The following LRRC58 variants were observed in gnomAD, a reference collection of about 807,000 sequenced individuals.
LRRC58 encodes leucine-rich repeat-containing protein 58.
In LRRC58, 18 loss-of-function variants were observed where a neutral mutation model predicts 30.6. That is an observed-to-expected ratio of 0.59 (90% CI 0.41 to 0.87). The LOEUF (loss-of-function observed/expected upper bound fraction) is 0.87, where lower values mean the gene tolerates loss of function less well. Among genes scored for constraint, LRRC58 ranks in the 40% least tolerant of loss-of-function variants. LRRC58 has a pLI of 0.00. For missense variants in LRRC58, 420 were observed against 468.4 expected (o/e 0.90, Z 0.95); for synonymous variants, 221 against 206.0 (o/e 1.07, Z -0.62).
rs1430151293 is a variant in LRRC58 at position 120,327,255 on chromosome 3, T to TTTC, written c.*3944_*3945insGAA. 7.1e-6 allele frequency: 1 copy of TTTC among 140,184 alleles called. No homozygotes were observed. Among genetic ancestry groups the TTTC allele is most frequent in the African/African-American group, 2.7e-5 (1 of 36,536 alleles). 8.7% of individuals were successfully genotyped at this position (140,184 alleles called of 1,614,324 possible). A position where few individuals can be genotyped will look rare whatever the true frequency, so the allele number is the denominator to read the frequency against. ...GTGGCTTCTAAAGATTTCTTTTTTTTTTTTTTTTTTTTTTGAGACGGAGTC... is the reference window on the plus strand; with the variant it reads ...GTGGCTTCTAAAGATTTCTTTTTTTTTTCTTTTTTTTTTTTTTGAGACGGAGTC... On this transcript the variant is annotated 3_prime_UTR_variant, in exon 4 of 4. Transcript: ENST00000295628.
rs1337894911 is a variant in LRRC58, at chr3:120,349,001, G to T, written c.243C>A (p.Thr81=). Residue 81 remains threonine, a synonymous_variant, in exon 1 of 4, where the codon ACC becomes ACA. Transcript: ENST00000295628. The part of the protein sequence containing the change: ...QLLDVSGNAL[T]ALGPELLALR... ...GAGCGAGCAGCTCCGGCCCGAGCGCGGTCAACGCGTTGCCGCTCACGTCCA... is the reference window on the plus strand; with the variant it reads ...GAGCGAGCAGCTCCGGCCCGAGCGCTGTCAACGCGTTGCCGCTCACGTCCA... 1 of 1,521,926 alleles carries T rather than the reference G, an allele frequency of 6.6e-7. No individual in the cohort carries two copies. The highest frequency in any genetic ancestry group is 1.2e-5 in the South Asian group (1 of 81,616). The allele number at this position is 1,521,926 out of a possible 1,614,324, so 94.3% of individuals were successfully genotyped here.
chr3:120,341,607 G>A (rs1935905210), intron 1 of LRRC58, among the ~76,000 whole-genome samples: 1 of 152,166 alleles, frequency 6.6e-6, no homozygotes, highest in African/African-American at 2.4e-5. Flanking sequence ...ATTAGATAAG[G>A]TCAAGAGGGT....
rs1405765370 is a variant in LRRC58, at chr3:120,324,611, A to C, written c.*6589T>G. The C allele has an allele frequency of 2.0e-5, 3 of 152,218 alleles. No homozygotes were observed. Among genetic ancestry groups the C allele is most frequent in the Non-Finnish European group, 4.4e-5 (3 of 68,038 alleles). 9.4% of individuals were successfully genotyped at this position (152,218 alleles called of 1,614,324 possible). ...TTAATATAGAACTGGATTCCAACAA[A>C]ACAGTTTTATTAAAATAAGGCACAA... On this transcript the variant is annotated 3_prime_UTR_variant, in exon 4 of 4. Transcript: ENST00000295628.
intron 1 of LRRC58, among the ~76,000 whole-genome samples, 196 bp from the exon 2 acceptor site, chr3:120,336,149 A>C (rs1397739586): frequency 6.6e-6 from 1 of 152,248 alleles, no homozygotes; most frequent in Non-Finnish European, 1.5e-5. Context: ...GACGAGACAG[A>C]CCAATGTTAG....
intron 2 of LRRC58, 32 bp from the exon 3 acceptor site, chr3:120,335,171 A>G: frequency 6.3e-7 from 1 of 1,581,074 alleles, no homozygotes; most frequent in Non-Finnish European, 8.6e-7. Context: ...AATCAATGGC[A>G]GTAAACAACG....
intron 3 of LRRC58, among the ~76,000 whole-genome samples, chr3:120,332,483 G>C (rs927145215): frequency 6.6e-6 from 1 of 151,894 alleles, no homozygotes; most frequent in African/African-American, 2.4e-5. Flanking sequence ...TCAATAAGTT[G>C]GTCAGTCATA....
rs1437523847 is a variant in LRRC58 at position 120,331,255 on chromosome 3, G to A, written c.1061C>T (p.Ser354Leu). Reference protein sequence around the residue: ...HSSTSQSESDSEDEASVAARR... With the variant: ...HSSTSQSESDLEDEASVAARR... Reference sequence around the variant, plus strand: ...TGCAGCAACACTAGCTTCATCTTCTGAGTCAGATTCACTCTGGGAAGTGGA... The same window carrying A: ...TGCAGCAACACTAGCTTCATCTTCTAAGTCAGATTCACTCTGGGAAGTGGA... The change falls in exon 4 of 4, where the codon TCA becomes TTA. Residue 354 changes from serine (S) to leucine (L), a missense_variant. This residue lies in a region of LRRC58 where 154 missense variants were observed against 216.8 expected (regional missense o/e 0.71). Transcript: ENST00000295628. 6.2e-7 allele frequency: 1 copy of A among 1,613,962 alleles called. No individual in the cohort carries two copies. Among genetic ancestry groups the A allele is most frequent in the Non-Finnish European group, 8.5e-7 (1 of 1,179,874 alleles).
chr3:120,348,884 G>C lies in LRRC58; in HGVS notation c.360C>G (p.Arg120=). The C allele has an allele frequency of 6.3e-7, 1 of 1,587,082 alleles. No individual in the cohort carries two copies. The highest frequency in any genetic ancestry group is 8.6e-7 in the Non-Finnish European group (1 of 1,167,968). Residue 120 remains arginine (R), a synonymous_variant, in exon 1 of 4, where the codon CGC becomes CGG. Transcript: ENST00000295628. The part of the protein sequence containing the change: ...PKGLAQSPLC[R]SLQVLNLSGN... ...CGCTGAGGTTGAGCACCTGGAGGCT[G>C]CGGCAGAGCGGCGACTGGGCCAGGC... is the stretch of plus-strand genomic sequence containing the variant.
Position 120,349,063 on chromosome 3 carries a change from G to T in LRRC58, c.181C>A (p.Arg61=). Residue 61 remains arginine, a synonymous_variant, in exon 1 of 4, where the codon CGG becomes AGG. Transcript: ENST00000295628. The part of the protein sequence containing the change: ...LPHNRLVSLP[R]ALGSGFPHLQ... ...TGCGGGAAGCCGCTGCCCAGCGCCCGTGGCAGCGACACCAGACGGTTGTGA... is the reference window on the plus strand; with the variant it reads ...TGCGGGAAGCCGCTGCCCAGCGCCCTTGGCAGCGACACCAGACGGTTGTGA... The T allele has an allele frequency of 6.6e-7, 1 of 1,518,298 alleles. No individual in the cohort carries two copies. Among genetic ancestry groups the T allele is most frequent in the Non-Finnish European group, 8.8e-7 (1 of 1,141,512 alleles). The allele number at this position is 1,518,298 out of a possible 1,614,324, so 94.1% of individuals were successfully genotyped here.
intron 1 of LRRC58, among the ~76,000 whole-genome samples, chr3:120,347,124 T>A (rs941885815): frequency 6.6e-5 from 10 of 152,198 alleles, no homozygotes; most frequent in Admixed American, 1.3e-4. Context: ...TGTAATTAAA[T>A]AATGAGGTTC....
rs138649156 is a variant in LRRC58 at position 120,339,429 on chromosome 3, TTTAAGG to T, written c.501-3482_501-3477del. Among the ~76,000 whole-genome samples the T allele has an allele frequency of 2.2e-3, 332 of 152,342 alleles. 1 individual carries two copies. The highest frequency in any genetic ancestry group is 7.7e-3 in the African/African-American group (322 of 41,586). On this transcript the variant is annotated intron_variant, in intron 1 of 3. Coordinates refer to ENST00000295628, the MANE Select transcript of LRRC58 (RefSeq NM_001099678.2). ...TATCATTTTTTTTGGAGGCTTGTTA[TTTAAGG>T]TTCATTTTTCTTGGAGTACATCCTT...
rs1361465274 is a variant in LRRC58, at chr3:120,331,499, A to C, written c.908-91T>G. On this transcript the variant is annotated intron_variant, in intron 3 of 3. Coordinates refer to ENST00000295628, the MANE Select transcript of LRRC58 (RefSeq NM_001099678.2). ...TTCTCCAGTGTTCTGGAGAAATGTC[A>C]TACACCATCTTCTGTTATGAATCTT... 1.3e-5 allele frequency: 12 copies of C among 909,360 alleles called. No homozygotes were observed. The East Asian group carries it at 3.1e-4, about 23-fold the overall frequency. 56.3% of individuals were successfully genotyped at this position (909,360 alleles called of 1,614,324 possible). A position where few individuals can be genotyped will look rare whatever the true frequency, so the allele number is the denominator to read the frequency against.
intron 1 of LRRC58, among the ~76,000 whole-genome samples, chr3:120,348,410 A>G (rs562518747): frequency 6.6e-6 from 1 of 152,350 alleles, no homozygotes; most frequent in South Asian, 2.1e-4. Context: ...AAATCCACGG[A>G]AGACTTTTGA....
chr3:120,327,849 G>C lies in LRRC58; in HGVS notation c.*3351C>G, dbSNP rs578053853. ...CAACCTCTGTCTCCCAAGTTCAAGT[G>C]ATTCTCTTGTCTTAGCCTCCGGAGT... On this transcript the variant is annotated 3_prime_UTR_variant, in exon 4 of 4. Transcript: ENST00000295628. 1 of 152,106 alleles carries C rather than the reference G, an allele frequency of 6.6e-6. No homozygotes were observed. 9.4% of individuals were successfully genotyped at this position (152,106 alleles called of 1,614,324 possible).
chr3:120,341,721 C>T (rs1935906781), intron 1 of LRRC58, among the ~76,000 whole-genome samples: 1 of 152,150 alleles, frequency 6.6e-6, no homozygotes, highest in South Asian at 2.1e-4. Flanking sequence ...TGGGGCTGCA[C>T]ATTCCATGGA....
intron 1 of LRRC58, among the ~76,000 whole-genome samples, chr3:120,341,978 G>C (rs934818226): frequency 6.6e-6 from 1 of 152,154 alleles, no homozygotes; most frequent in African/African-American, 2.4e-5. Context: ...CCTCCCAGGT[G>C]CAGGAGCTGG....
chr3:120,335,733 C>T (rs747710953), intron 2 of LRRC58, 92 bp downstream of exon 2: 15 of 1,093,924 alleles, frequency 1.4e-5, no homozygotes, highest in Non-Finnish European at 1.9e-5. Flanking sequence ...ATATCTAATT[C>T]TTTTCTACAT....
rs184887947 is a variant in LRRC58, at chr3:120,328,253, A to G, written c.*2947T>C. ...GCCAATCCCTGGCACCCTGGAATCAATGTATCATATTCACTAATCTTCCTA... is the reference window on the plus strand; with the variant it reads ...GCCAATCCCTGGCACCCTGGAATCAGTGTATCATATTCACTAATCTTCCTA... On this transcript the variant is annotated 3_prime_UTR_variant, in exon 4 of 4. Coordinates refer to ENST00000295628, the MANE Select transcript of LRRC58 (RefSeq NM_001099678.2). 6.6e-6 allele frequency: 1 copy of G among 152,286 alleles called. No homozygotes were observed. Among genetic ancestry groups the G allele is most frequent in the Admixed American group, 6.5e-5 (1 of 15,290 alleles). 9.4% of individuals were successfully genotyped at this position (152,286 alleles called of 1,614,324 possible).
Position 120,343,999 on chromosome 3 carries a change from G to A in LRRC58, c.500+4745C>T, listed in dbSNP as rs528258048. On this transcript the variant is annotated intron_variant, in intron 1 of 3. Transcript: ENST00000295628. ...GGCTGCAGTGAGGTGAGATCGTGCC[G>A]CTGCACTCCAGCTTGGTGGACAGGG... Among the ~76,000 whole-genome samples the A allele has an allele frequency of 3.0e-4, 45 of 152,080 alleles. 2 individuals carry two copies. The highest frequency in any genetic ancestry group is 9.2e-4 in the Admixed American group (14 of 15,288).
Sources: allele counts gnomAD v4.1 joint callset (sites outside exome capture counted in the v4.1 genomes callset), GRCh38; gene constraint gnomAD v4.1.1; regional missense constraint gnomAD v4.1.1; transcripts MANE v1.5; gene names NCBI Gene and HGNC (gene_info 2026-07-23, HGNC 2026-07-21).